The following ZNF573 variants were observed in gnomAD, a reference collection of about 807,000 sequenced individuals.
The protein encoded by ZNF573 is zinc finger protein 573.
A neutral mutation model predicts 57.4 loss-of-function variants in ZNF573; 41 were observed. That is an observed-to-expected ratio of 0.71 (90% CI 0.56 to 0.93). The LOEUF (loss-of-function observed/expected upper bound fraction) is 0.93. Ranked by LOEUF, ZNF573 falls within the 40% of genes least tolerant of loss-of-function variation. ZNF573 has a pLI of 0.00. For missense variants in ZNF573, 730 were observed against 794.8 expected (o/e 0.92, Z 0.98); for synonymous variants, 249 against 261.0 (o/e 0.95, Z 0.44).
At chr19:37,764,510 G>A (rs373549428) in intron 4 of ZNF573, among the ~76,000 whole-genome samples, 2 of 151,480 alleles carry the variant, frequency 1.3e-5, no homozygotes, top group African/African-American at 2.4e-5. Context: ...TAATAGAGAC[G>A]GGGTTTCACC....
chr19:37,763,441 T>C (rs2045571415), intron 4 of ZNF573, among the ~76,000 whole-genome samples: 1 of 151,840 alleles, frequency 6.6e-6, no homozygotes, highest in African/African-American at 2.4e-5. Flanking sequence ...GGCACACACT[T>C]GTAATCCCAG....
chr19:37,744,690 G>C (rs1344509316), intron 4 of ZNF573, among the ~76,000 whole-genome samples: 4 of 145,928 alleles, frequency 2.7e-5, no homozygotes, highest in African/African-American at 1.0e-4. Flanking sequence ...GCAGTGAGCT[G>C]TGTTCACGCC....
At chr19:37,773,116 A>C (rs1362661838) in intron 2 of ZNF573, 2 of 308,242 alleles carry the variant, frequency 6.5e-6, no homozygotes, top group African/African-American at 4.5e-5. Context: ...ACCCAAGTTC[A>C]GCAGAACACA....
At chr19:37,762,904 TG>T (rs899073494) in intron 4 of ZNF573, among the ~76,000 whole-genome samples, 39 of 151,972 alleles carry the variant, frequency 2.6e-4, no homozygotes, top group Admixed American at 5.9e-4. Flanking sequence ...CCTGAGTAGC[TG>T]GGATTACAGG....
intron 4 of ZNF573, among the ~76,000 whole-genome samples, chr19:37,752,992 T>C (rs183190462): frequency 6.6e-6 from 1 of 152,214 alleles, no homozygotes; most frequent in East Asian, 1.9e-4. Flanking sequence ...TGGTAACTCA[T>C]GTCTGTAATC....
chr19:37,748,003 AACTACT>A (rs2045397977), intron 4 of ZNF573, among the ~76,000 whole-genome samples: 1 of 152,120 alleles, frequency 6.6e-6, no homozygotes. Flanking sequence ...TCTTTCTAAA[AACTACT>A]ACTTCCAGCC....
chr19:37,746,704 C>T (rs1455342766), intron 4 of ZNF573, among the ~76,000 whole-genome samples: 1 of 152,088 alleles, frequency 6.6e-6, no homozygotes, highest in Non-Finnish European at 1.5e-5. Flanking sequence ...CTCAGCCTCC[C>T]AAGTAACTGG....
chr19:37,739,798 GAGGCATATATAA>G lies in ZNF573; in HGVS notation c.680_691del (p.Phe227_Ala230del). ...AATTCTCTCATGTTGAACAATGTGT[GAGGCATATATAA>G]AGGCCTTCCCACACTGCCTACATTC... is the stretch of plus-strand genomic sequence containing the variant. On this transcript the variant is annotated inframe_deletion, in exon 5 of 5. Transcript: ENST00000536220. 1 of 1,613,750 alleles carries G rather than the reference GAGGCATATATAA, an allele frequency of 6.2e-7. No homozygotes were observed. The highest frequency in any genetic ancestry group is 8.5e-7 in the Non-Finnish European group (1 of 1,179,758).
chr19:37,754,963 TA>T (rs2045473539), intron 4 of ZNF573, among the ~76,000 whole-genome samples: 1 of 152,126 alleles, frequency 6.6e-6, no homozygotes, highest in Non-Finnish European at 1.5e-5. Context: ...ATTAATAGAA[TA>T]AATCTATTTT....
chr19:37,776,353 C>T (rs171376), intron 1 of ZNF573, among the ~76,000 whole-genome samples: 45,724 of 151,834 alleles, frequency 0.3, 8,463 homozygotes, highest in East Asian at 0.62. Context: ...AACTGATCTT[C>T]GACAAAGTAA....
At chr19:37,742,307 C>T (rs2045334883) in intron 4 of ZNF573, among the ~76,000 whole-genome samples, 1 of 152,060 alleles carries the variant, frequency 6.6e-6, no homozygotes, top group Admixed American at 6.6e-5. Context: ...ACATTCTTCA[C>T]AGAATTAGAA....
At chr19:37,771,502 T>C (rs2045658511) in intron 3 of ZNF573, 62 bp downstream of exon 3, 2 of 1,547,778 alleles carry the variant, frequency 1.3e-6, no homozygotes, top group Non-Finnish European at 1.7e-6. Context: ...TTGAAATTCA[T>C]TGTGTTGAAA....
At chr19:37,771,515 T>C (rs772705916) in intron 3 of ZNF573, 49 bp downstream of exon 3, 1 of 1,580,664 alleles carries the variant, frequency 6.3e-7, no homozygotes. Flanking sequence ...TGTTGAAAGG[T>C]AACATATCAC....
At position 37,739,341 on chromosome 19, in the gene ZNF573, C is replaced by T. The variant is rs754282390; in HGVS notation, c.1149G>A (p.Glu383=). Reference sequence around the variant, plus strand: ...CACATTGCTTGCATTCAAAAAGTTTCTCACCAGTATGAATATTCTGATGCC... The same window carrying T: ...CACATTGCTTGCATTCAAAAAGTTTTTCACCAGTATGAATATTCTGATGCC... ...LTRHQNIHTG[E]KLFECKQCGK... The change falls in exon 5 of 5, where the codon GAG becomes GAA. Residue 383 remains glutamate, a synonymous_variant. Transcript: ENST00000536220. The T allele has an allele frequency of 1.1e-5, 17 of 1,613,774 alleles. No homozygotes were observed. The highest frequency in any genetic ancestry group is 2.7e-5 in the African/African-American group (2 of 74,836).
At chr19:37,757,756 G>A (rs1178857162) in intron 4 of ZNF573, among the ~76,000 whole-genome samples, 2 of 151,892 alleles carry the variant, frequency 1.3e-5, no homozygotes, top group Non-Finnish European at 2.9e-5. Flanking sequence ...TGTTTATTGC[G>A]GCACTACTCA....
At chr19:37,756,656 T>C (rs1182055164) in intron 4 of ZNF573, among the ~76,000 whole-genome samples, 2 of 152,158 alleles carry the variant, frequency 1.3e-5, no homozygotes, top group Non-Finnish European at 2.9e-5. Context: ...CGGTAAGGAA[T>C]CTGTTCTTTT....
At chr19:37,740,359 T>G (rs1038070262) in intron 4 of ZNF573, 165 bp from the exon 5 acceptor site, 9 of 640,586 alleles carry the variant, frequency 1.4e-5, no homozygotes, top group Non-Finnish European at 2.1e-5. Context: ...CAGAGACGTA[T>G]GAGAGTTTAC....
chr19:37,753,300 A>G (rs1353565344), intron 4 of ZNF573, among the ~76,000 whole-genome samples: 2 of 152,186 alleles, frequency 1.3e-5, no homozygotes, highest in East Asian at 3.8e-4. Flanking sequence ...CAGGCATACA[A>G]TGTGTAATAA....
intron 4 of ZNF573, among the ~76,000 whole-genome samples, chr19:37,754,265 T>C (rs1255464175): frequency 6.6e-6 from 1 of 152,174 alleles, no homozygotes; most frequent in Non-Finnish European, 1.5e-5. Flanking sequence ...CTCACGCCTG[T>C]AATCCCAGCA....
Sources: allele counts gnomAD v4.1 joint callset (sites outside exome capture counted in the v4.1 genomes callset), GRCh38; gene constraint gnomAD v4.1.1; transcripts MANE v1.5; gene names NCBI Gene and HGNC (gene_info 2026-07-23, HGNC 2026-07-21).